Variants in NOS1AP observed in about 807,000 individuals in gnomAD.
NOS1AP encodes the protein carboxyl-terminal PDZ ligand of neuronal nitric oxide synthase protein.
In NOS1AP, 21 loss-of-function variants were observed where a neutral mutation model predicts 56.2. That is an observed-to-expected ratio of 0.37 (90% CI 0.26 to 0.54). NOS1AP has a LOEUF of 0.54. NOS1AP is among the 20% of genes least tolerant of loss of function. NOS1AP has a pLI of 0.84. For missense variants in NOS1AP, 522 were observed against 657.8 expected (o/e 0.79, Z 2.26); for synonymous variants, 270 against 274.6 (o/e 0.98, Z 0.17).
intron 2 of NOS1AP, among the ~76,000 whole-genome samples, chr1:162,257,948 AT>A (rs1654085488): frequency 1.3e-5 from 2 of 151,964 alleles, no homozygotes; most frequent in African/African-American, 4.8e-5. Context: ...AACTCCATTA[AT>A]CAAGTGGACA....
At chr1:162,247,539 G>T (rs1295001287) in intron 2 of NOS1AP, among the ~76,000 whole-genome samples, 1 of 152,118 alleles carries the variant, frequency 6.6e-6, no homozygotes, top group Non-Finnish European at 1.5e-5. Context: ...TCTTTATAAA[G>T]GGTCTGAAAG....
chr1:162,241,891 G>A (rs1653499511), intron 2 of NOS1AP, among the ~76,000 whole-genome samples: 1 of 152,136 alleles, frequency 6.6e-6, no homozygotes, highest in African/African-American at 2.4e-5. Flanking sequence ...AGCAACCCTG[G>A]GAAAATGAAA....
At chr1:162,295,076 GT>G (rs1331959193) in intron 3 of NOS1AP, among the ~76,000 whole-genome samples, 8 of 152,166 alleles carry the variant, frequency 5.3e-5, no homozygotes, top group Admixed American at 2.0e-4. Flanking sequence ...AGTCCTGTGG[GT>G]TCCCTGGGCT....
intron 2 of NOS1AP, among the ~76,000 whole-genome samples, chr1:162,199,640 GTC>G (rs34246158): frequency 0.12 from 16,658 of 140,604 alleles, 1,165 homozygotes; most frequent in South Asian, 0.2. Flanking sequence ...GTGTGTGTGT[GTC>G]TGTGTGTAAA....
chr1:162,132,924 C>G (rs1220230443), intron 1 of NOS1AP, among the ~76,000 whole-genome samples: 1 of 152,210 alleles, frequency 6.6e-6, no homozygotes, highest in Non-Finnish European at 1.5e-5. Context: ...TCCTTGTTTG[C>G]TCTGGCTCTT....
intron 2 of NOS1AP, among the ~76,000 whole-genome samples, chr1:162,161,633 C>T (rs1156935997): frequency 6.6e-6 from 1 of 152,036 alleles, no homozygotes; most frequent in Non-Finnish European, 1.5e-5. Flanking sequence ...TGCTCTGTCA[C>T]CCATGTTGGA....
chr1:162,327,205 G>A (rs1175169951), intron 4 of NOS1AP, among the ~76,000 whole-genome samples: 2 of 152,130 alleles, frequency 1.3e-5, no homozygotes, highest in Non-Finnish European at 2.9e-5. Flanking sequence ...TTCTTCTCAA[G>A]TAGAGAACTG....
intron 2 of NOS1AP, among the ~76,000 whole-genome samples, chr1:162,245,333 C>T (rs1571157297): frequency 6.6e-6 from 1 of 152,122 alleles, no homozygotes; most frequent in South Asian, 2.1e-4. Flanking sequence ...AAGGAGGAAC[C>T]TCTGCATAAC....
intron 5 of NOS1AP, among the ~76,000 whole-genome samples, chr1:162,337,181 G>A (rs896268775): frequency 6.6e-6 from 1 of 152,200 alleles, no homozygotes; most frequent in Non-Finnish European, 1.5e-5. Flanking sequence ...ATGCATCAGT[G>A]CGTGAAGTGC....
At chr1:162,168,900 G>T (rs550977123) in intron 2 of NOS1AP, among the ~76,000 whole-genome samples, 1 of 152,332 alleles carries the variant, frequency 6.6e-6, no homozygotes, top group Admixed American at 6.5e-5. Flanking sequence ...GTCTGGCTTG[G>T]TTCAGGCCTG....
intron 4 of NOS1AP, among the ~76,000 whole-genome samples, chr1:162,307,781 T>C (rs1251560666): frequency 6.6e-6 from 1 of 150,856 alleles, no homozygotes; most frequent in Non-Finnish European, 1.5e-5. Context: ...ACTGCACTCC[T>C]GCCTGGGTGA....
chr1:162,228,772 C>T (rs957873963), intron 2 of NOS1AP, among the ~76,000 whole-genome samples: 11 of 152,266 alleles, frequency 7.2e-5, no homozygotes, highest in African/African-American at 9.6e-5. Context: ...CTCAAATTAA[C>T]GCTATCATTT....
At chr1:162,355,749 G>A (rs959621451) in intron 7 of NOS1AP, among the ~76,000 whole-genome samples, 7 of 152,164 alleles carry the variant, frequency 4.6e-5, no homozygotes, top group Non-Finnish European at 7.3e-5. Flanking sequence ...CGCTCTGCCT[G>A]CAGTAGCGGT....
intron 1 of NOS1AP, among the ~76,000 whole-genome samples, chr1:162,138,845 C>T (rs1009457416): frequency 9.2e-5 from 14 of 152,284 alleles, no homozygotes; most frequent in Admixed American, 4.6e-4. Flanking sequence ...GGAAGGGACA[C>T]TGCACCTAGG....
intron 2 of NOS1AP, among the ~76,000 whole-genome samples, chr1:162,180,134 G>C (rs6672271): frequency 0.99 from 150,575 of 152,372 alleles, 74,422 homozygotes; most frequent in East Asian, 1. Flanking sequence ...CACCAATGAA[G>C]CCATCACTTA....
At chr1:162,136,129 G>T (rs1648991750) in intron 1 of NOS1AP, among the ~76,000 whole-genome samples, 1 of 152,176 alleles carries the variant, frequency 6.6e-6, no homozygotes, top group Admixed American at 6.5e-5. Flanking sequence ...GCAGGGTACT[G>T]CTATGGTGTG....
intron 2 of NOS1AP, among the ~76,000 whole-genome samples, chr1:162,202,991 T>C (rs1283331129): frequency 6.6e-6 from 1 of 152,136 alleles, no homozygotes; most frequent in Non-Finnish European, 1.5e-5. Flanking sequence ...TTGGCAGCCT[T>C]TTTTGGTGAT....
intron 2 of NOS1AP, among the ~76,000 whole-genome samples, chr1:162,163,812 A>G (rs10918797): frequency 0.45 from 68,080 of 152,030 alleles, 18,680 homozygotes; most frequent in Non-Finnish European, 0.61. Context: ...ACCTCAGGAG[A>G]ATCTGGTTTG....
At chr1:162,300,916 G>C (rs1655630068) in intron 4 of NOS1AP, among the ~76,000 whole-genome samples, 1 of 152,148 alleles carries the variant, frequency 6.6e-6, no homozygotes, top group Admixed American at 6.5e-5. Flanking sequence ...AGGAAGCTAT[G>C]AAGTATATCT....
Sources: allele counts gnomAD v4.1 joint callset (sites outside exome capture counted in the v4.1 genomes callset), GRCh38; gene constraint gnomAD v4.1.1; transcripts MANE v1.5; gene names NCBI Gene and HGNC (gene_info 2026-07-23, HGNC 2026-07-21).